Variants in STON2 observed in about 807,000 individuals in gnomAD.
STON2 encodes stonin 2.
In STON2, 29 loss-of-function variants were observed where a neutral mutation model predicts 65.7. The ratio of observed to expected loss-of-function variants is 0.44; its 90% CI spans 0.33 to 0.60. The LOEUF (loss-of-function observed/expected upper bound fraction) is 0.60. STON2 is among the 20% of genes least tolerant of loss of function. The probability of loss-of-function intolerance (pLI) is 0.03; values close to 1 mark genes in which losing one functional copy is unlikely to be tolerated. For synonymous variants in STON2, 404 were observed against 414.2 expected, an observed-to-expected ratio of 0.98 and a Z score of 0.30; for missense variants, 1,054 against 1,118.1, an observed-to-expected ratio of 0.94 and a Z score of 0.82.
intron 5 of STON2, among the ~76,000 whole-genome samples, chr14:81,287,225 TA>T (rs761224063): frequency 5.9e-5 from 9 of 152,136 alleles, no homozygotes; most frequent in Non-Finnish European, 1.2e-4. Flanking sequence ...AATACTATGA[TA>T]AAAAGAGGAG....
chr14:81,399,640 T>C (rs1241542130), intron 1 of STON2, among the ~76,000 whole-genome samples: 2 of 152,214 alleles, frequency 1.3e-5, no homozygotes, highest in African/African-American at 2.4e-5. Context: ...CTAATGTTTA[T>C]ATAGAATTTA....
In STON2 at chr14:81,277,897, G is replaced by A. The variant is rs754267114; in HGVS notation, c.1585C>T (p.Arg529Cys). The change falls in exon 6 of 8, where the codon CGT (arginine) becomes TGT (cysteine). Residue 529 changes from arginine to cysteine, a missense_variant. Coordinates refer to ENST00000614646, the MANE Select transcript of STON2 (RefSeq NM_001394390.1). ...TGACAGATCTCCAGCTTGAACTCAC[G>A]GAATGGTTTTTCTAGGCCCTGCTCA... ...YYEQGLEKPF[R>C]EFKLEICHEI... 19 of 1,614,080 alleles carry A rather than the reference G, an allele frequency of 1.2e-5. No individual in the cohort carries two copies. Among genetic ancestry groups the A allele is most frequent in the African/African-American group, 9.3e-5 (7 of 74,926 alleles).
At chr14:81,308,580 AT>A (rs1896271649) in intron 5 of STON2, among the ~76,000 whole-genome samples, 2 of 151,842 alleles carry the variant, frequency 1.3e-5, no homozygotes, top group Non-Finnish European at 2.9e-5. Context: ...TGGGGCATTT[AT>A]TCAAGGGTAT....
At chr14:81,418,114 T>C (rs1377002372) in intron 2 of STON2, 1 of 152,522 alleles carries the variant, frequency 6.6e-6, no homozygotes, top group Non-Finnish European at 1.5e-5. Context: ...TATAAAGACA[T>C]ACCCAAGACT....
chr14:81,278,472 T>C lies in STON2; in HGVS notation c.1010A>G (p.Lys337Arg). 6.2e-7 allele frequency: 1 copy of C among 1,614,222 alleles called. No homozygotes were observed. The highest frequency in any genetic ancestry group is 1.3e-5 in the African/African-American group (1 of 75,058). The change falls in exon 6 of 8, where the codon AAG (lysine) becomes AGG (arginine). Residue 337 changes from lysine to arginine, a missense_variant. Transcript: ENST00000614646. ...MGSFKKRDRP[K>R]STLMNFSKVQ... ...TTTGGAGAAGTTCATCAAAGTGCTC[T>C]TGGGACGGTCCCTCTTCTTAAATGA... is the stretch of plus-strand genomic sequence containing the variant.
chr14:81,404,732 C>A (rs112944378), upstream of STON2, among the ~76,000 whole-genome samples: 1,762 of 152,202 alleles, frequency 0.012, 34 homozygotes, highest in South Asian at 0.077. Context: ...GTCTCAAACT[C>A]CTGGGCTCAA....
intron 4 of STON2, among the ~76,000 whole-genome samples, chr14:81,342,581 G>A (rs1897655408): frequency 6.6e-6 from 1 of 152,116 alleles, no homozygotes; most frequent in African/African-American, 2.4e-5. Context: ...AAGGCCCTGT[G>A]TGCTGTGTGG....
intron 2 of STON2, among the ~76,000 whole-genome samples, chr14:81,396,672 A>G (rs1900339599): frequency 6.6e-6 from 1 of 152,260 alleles, no homozygotes; most frequent in Admixed American, 6.5e-5. Flanking sequence ...ACTAATGACC[A>G]GCTGAATGTA....
chr14:81,327,383 C>A (rs1469243658), intron 4 of STON2, among the ~76,000 whole-genome samples: 6 of 152,132 alleles, frequency 3.9e-5, no homozygotes, highest in Non-Finnish European at 8.8e-5. Flanking sequence ...AAATGTCCCA[C>A]AATCTACATT....
At chr14:81,348,525 G>A (rs1285337920) in intron 4 of STON2, among the ~76,000 whole-genome samples, 2 of 151,880 alleles carry the variant, frequency 1.3e-5, no homozygotes, top group Non-Finnish European at 2.9e-5. Context: ...ACAATCCTGG[G>A]AATAAATGTA....
chr14:81,268,583 C>T, intron 7 of STON2, 86 bp from the exon 8 acceptor site: 4 of 1,268,986 alleles, frequency 3.2e-6, no homozygotes, highest in South Asian at 1.3e-5. Context: ...TCCATAGGTA[C>T]TTTGAAATTT....
intron 2 of STON2, among the ~76,000 whole-genome samples, chr14:81,397,460 T>A (rs1213594288): frequency 6.6e-6 from 1 of 152,218 alleles, no homozygotes; most frequent in Admixed American, 6.5e-5. Context: ...CTTTGAAATT[T>A]AGCATAGGTA....
At chr14:81,304,499 G>A (rs1483041837) in intron 5 of STON2, among the ~76,000 whole-genome samples, 1 of 152,188 alleles carries the variant, frequency 6.6e-6, no homozygotes. Flanking sequence ...GAGGCAGGTG[G>A]ATTGCTTGAG....
intron 5 of STON2, among the ~76,000 whole-genome samples, chr14:81,312,784 T>C (rs982933682): frequency 3.3e-5 from 5 of 152,376 alleles, no homozygotes; most frequent in Non-Finnish European, 7.3e-5. Flanking sequence ...CCAATCCTTT[T>C]GAAAACTGGT....
At chr14:81,312,746 A>C (rs1022525120) in intron 5 of STON2, among the ~76,000 whole-genome samples, 2 of 152,212 alleles carry the variant, frequency 1.3e-5, no homozygotes, top group Admixed American at 6.5e-5. Context: ...GCTTGTATTG[A>C]CCATAACTAC....
chr14:81,403,128 T>C (rs372497506), upstream of STON2, among the ~76,000 whole-genome samples: 179 of 152,356 alleles, frequency 1.2e-3, 1 homozygote, highest in African/African-American at 4.2e-3. Flanking sequence ...AACTGAGTTA[T>C]TTGAAAGACT....
chr14:81,436,092 A>G (rs1029975678), intron 1 of STON2: 2 of 152,206 alleles, frequency 1.3e-5, no homozygotes, highest in Admixed American at 1.3e-4. Flanking sequence ...ACCTGCCTTA[A>G]GCAGAGTCCC....
At position 81,287,164 on chromosome 14, in the gene STON2, G is replaced by A. The variant is rs115178050; in HGVS notation, c.743-8425C>T. Among the ~76,000 whole-genome samples the A allele has an allele frequency of 1.9e-3, 295 of 152,276 alleles. 3 individuals carry two copies. Among genetic ancestry groups the A allele is most frequent in the African/African-American group, 6.7e-3 (279 of 41,554 alleles). On this transcript the variant is annotated intron_variant, in intron 5 of 7. Transcript: ENST00000614646. ...GAGTTAGTCATATCAAGCTTATCAA[G>A]GGAGCTTCTAACGTGCGTAAAATAT... is the stretch of plus-strand genomic sequence containing the variant.
At chr14:81,412,263 G>A (rs1901200870) in intron 2 of STON2, among the ~76,000 whole-genome samples, 1 of 139,940 alleles carries the variant, frequency 7.1e-6, no homozygotes, top group Non-Finnish European at 1.5e-5. Flanking sequence ...GGGAAAGACT[G>A]GAATTAAAGC....
Sources: gnomAD v4.1 joint callset for allele counts (sites outside exome capture counted in the v4.1 genomes callset) on GRCh38, gnomAD v4.1.1 for gene constraint, MANE v1.5 for transcripts, NCBI Gene and HGNC (gene_info 2026-07-23, HGNC 2026-07-21) for gene names.